PPP2R5D: variants seen among roughly 807,000 people sequenced by gnomAD.
PPP2R5D encodes serine/threonine-protein phosphatase 2A 56 kDa regulatory subunit delta isoform.
Under a neutral mutation model 79.1 loss-of-function variants are expected in PPP2R5D, and 12 were observed. The ratio of observed to expected loss-of-function variants is 0.15; its 90% confidence interval spans 0.10 to 0.25. PPP2R5D has a LOEUF of 0.25. PPP2R5D is among the 10% of genes least tolerant of loss of function. The pLI, the probability that PPP2R5D is intolerant of heterozygous loss-of-function variation, is 1.00. For synonymous variants in PPP2R5D, 277 were observed against 286.6 expected, an observed-to-expected ratio of 0.97 and a Z score of 0.34; for missense variants, 419 against 760.2, an observed-to-expected ratio of 0.55 and a Z score of 5.28.
rs868188607 is a variant in PPP2R5D at position 42,992,208 on chromosome 6, C to T, written c.105+2520C>T. Among the ~76,000 whole-genome samples, 6 of 152,216 alleles carry T rather than the reference C, an allele frequency of 3.9e-5. 1 individual carries two copies. Among genetic ancestry groups the T allele is most frequent in the South Asian group, 2.1e-4 (1 of 4,814 alleles). On this transcript the variant is annotated intron_variant, in intron 2 of 15. Transcript: ENST00000485511. ...CCGAGTAGCTGGGACTACAGGCTCC[C>T]GCCACCACGCCTGGCTAATTTTTTG...
At position 43,006,545 on chromosome 6, in the gene PPP2R5D, C is replaced by T. The variant is rs370244516; in HGVS notation, c.188C>T (p.Thr63Met). The T allele has an allele frequency of 2.5e-5, 40 of 1,613,968 alleles. No individual in the cohort carries two copies. Among genetic ancestry groups the T allele is most frequent in the African/African-American group, 1.5e-4 (11 of 74,888 alleles). Reference sequence around the variant, plus strand: ...TCCAACAAGCGTCCCAGCAATAGCACGCCGCCCCCCACGCAGCTCAGCAAA... The same window carrying T: ...TCCAACAAGCGTCCCAGCAATAGCATGCCGCCCCCCACGCAGCTCAGCAAA... ...PSSNKRPSNS[T>M]PPPTQLSKIK... is the part of the protein sequence containing the mutation. Residue 63 changes from threonine (T) to methionine (M), a missense_variant, in exon 3 of 16, where the codon ACG becomes ATG. Around this residue, in one of 5 missense-constraint regions of PPP2R5D, gnomAD observed 110 missense variants for 147.6 expected, o/e 0.75. Coordinates refer to ENST00000485511, the MANE Select transcript of PPP2R5D (RefSeq NM_006245.4). This position sits in a 1 kb window ranked among gnomAD's most constrained non-coding sequence, Gnocchi z 4.7.
At chr6:42,993,489 C>CA (rs1771420635) in intron 2 of PPP2R5D, among the ~76,000 whole-genome samples, 1 of 151,984 alleles carries the variant, frequency 6.6e-6, no homozygotes, top group Non-Finnish European at 1.5e-5. Context: ...AAAAAACAAA[C>CA]AAAAAAAGAA....
In PPP2R5D at chr6:43,008,800, C is replaced by CAT. The variant is rs2150280796; in HGVS notation, c.1080+55_1080+56insTA. The CAT allele has an allele frequency of 6.4e-7, 1 of 1,562,382 alleles. No homozygotes were observed. The highest frequency in any genetic ancestry group is 1.7e-5 in the Admixed American group (1 of 58,766). On this transcript the variant is annotated intron_variant, in intron 10 of 15. Coordinates refer to ENST00000485511, the MANE Select transcript of PPP2R5D (RefSeq NM_006245.4). The surrounding 1 kb of genome is among the most constrained non-coding windows in gnomAD (Gnocchi z 4.2). ...ACCTCTTACTGTCAGCATCACTTGC[C>CAT]AGTCTGTACCTACTGGGGGTGCCAT...
rs1273076632 is a variant in PPP2R5D, at chr6:43,012,022, T to A, written c.*736T>A. 1 of 204,700 alleles carries A rather than the reference T, an allele frequency of 4.9e-6. No individual in the cohort carries two copies. Among genetic ancestry groups the A allele is most frequent in the Non-Finnish European group, 8.7e-6 (1 of 115,228 alleles). The allele number at this position is 204,700 out of a possible 1,614,324, so 12.7% of individuals were successfully genotyped here. ...GACATGGAAGGGACCACCCTGGGGC[T>A]GACTGCTTTTCTGTGCTGTTGGTTC... On this transcript the variant is annotated 3_prime_UTR_variant, in exon 16 of 16. Transcript: ENST00000485511.
At chr6:42,994,320 G>A (rs1771479131) in intron 2 of PPP2R5D, among the ~76,000 whole-genome samples, 1 of 152,134 alleles carries the variant, frequency 6.6e-6, no homozygotes, top group Non-Finnish European at 1.5e-5. Flanking sequence ...CTTTTATTCA[G>A]CCAGTAAGGC....
Position 43,008,488 on chromosome 6 carries a change from C to T in PPP2R5D, c.1026+13C>T, listed in dbSNP as rs768219023. 9.4e-6 allele frequency: 15 copies of T among 1,593,948 alleles called. No individual in the cohort carries two copies. The East Asian group carries it at 3.1e-4, about 33-fold the overall frequency. Reference sequence around the variant, plus strand: ...CTACCACCCTCAGGTGAGCTGCCTTCCTCCTTATAATGTCCAACTCAGGCA... The same window carrying T: ...CTACCACCCTCAGGTGAGCTGCCTTTCTCCTTATAATGTCCAACTCAGGCA... On this transcript the variant is annotated intron_variant, in intron 9 of 15. Transcript: ENST00000485511. This position sits in a 1 kb window ranked among gnomAD's most constrained non-coding sequence, Gnocchi z 4.2.
At chr6:42,992,019 G>A (rs1209620424) in intron 2 of PPP2R5D, among the ~76,000 whole-genome samples, 1 of 152,180 alleles carries the variant, frequency 6.6e-6, no homozygotes. Context: ...GAGCTAGGAT[G>A]TGAGGCTGTG....
rs146169282 is a variant in PPP2R5D, at chr6:42,987,243, A to G, written c.28-2368A>G. On this transcript the variant is annotated intron_variant, in intron 1 of 15. Coordinates refer to ENST00000485511, the MANE Select transcript of PPP2R5D (RefSeq NM_006245.4). ...CCCTTTGAGATAATAACTAAGTTTC[A>G]TTTTGGTTTGACAACTCCTTTTCAC... 8.6e-3 allele frequency among the ~76,000 whole-genome samples: 1,313 copies of G among 152,232 alleles called. 8 individuals are homozygous for G. Among genetic ancestry groups the G allele is most frequent in the Middle Eastern group, 0.031 (9 of 294 alleles).
chr6:43,006,363 C>G lies in PPP2R5D; in HGVS notation c.106-100C>G, dbSNP rs1370526684. 1.3e-6 allele frequency: 2 copies of G among 1,504,126 alleles called. No individual in the cohort carries two copies. The highest frequency in any genetic ancestry group is 4.9e-5 in the East Asian group (2 of 40,830). The allele number at this position is 1,504,126 out of a possible 1,614,324, so 93.2% of individuals were successfully genotyped here. Reference sequence around the variant, plus strand: ...CGGGGCAGGAGACAGCTGCTCACTGCCCAGGCCTGTGCAGGCATAAACAGA... The same window carrying G: ...CGGGGCAGGAGACAGCTGCTCACTGGCCAGGCCTGTGCAGGCATAAACAGA... On this transcript the variant is annotated intron_variant, in intron 2 of 15. Coordinates refer to ENST00000485511, the MANE Select transcript of PPP2R5D (RefSeq NM_006245.4). The surrounding 1 kb of genome is among the most constrained non-coding windows in gnomAD (Gnocchi z 4.7).
At chr6:43,002,190 GT>G (rs1393414731) in intron 2 of PPP2R5D, among the ~76,000 whole-genome samples, 2 of 149,940 alleles carry the variant, frequency 1.3e-5, no homozygotes, top group Non-Finnish European at 3.0e-5. Context: ...TTGATTCGGA[GT>G]CTCGCCCTAT....
rs1178818788 is a variant in PPP2R5D at position 43,008,709 on chromosome 6, T to C, written c.1043T>C (p.Val348Ala). The change falls in exon 10 of 16, where the codon GTA (valine) becomes GCA (alanine). Residue 348 changes from valine to alanine, a missense_variant. Physicochemically the swap from Val to Ala is moderately conservative, Grantham distance 64 (BLOSUM62 0). This residue lies in a region of PPP2R5D where 196 missense variants were observed against 424.5 expected (regional missense o/e 0.46). Transcript: ENST00000485511. This position sits in a 1 kb window ranked among gnomAD's most constrained non-coding sequence, Gnocchi z 4.2. The part of the protein sequence containing the change: ...VYHPQLAYCV[V>A]QFLEKESSLT... ...CCTTTGCAGCTGGCATACTGTGTGGTACAATTCCTGGAGAAGGAGAGCAGT... is the reference window on the plus strand; with the variant it reads ...CCTTTGCAGCTGGCATACTGTGTGGCACAATTCCTGGAGAAGGAGAGCAGT... 1 of 1,614,008 alleles carries C rather than the reference T, an allele frequency of 6.2e-7. No homozygotes were observed.
At chr6:42,999,502 A>G (rs1023169805) in intron 2 of PPP2R5D, among the ~76,000 whole-genome samples, 2 of 152,104 alleles carry the variant, frequency 1.3e-5, no homozygotes, top group Non-Finnish European at 2.9e-5. Context: ...CAATAACACA[A>G]TGCTAGTGTA....
intron 2 of PPP2R5D, among the ~76,000 whole-genome samples, 175 bp downstream of exon 2, chr6:42,989,863 A>G (rs1034605226): frequency 6.6e-5 from 10 of 152,216 alleles, no homozygotes; most frequent in Non-Finnish European, 1.3e-4. Context: ...TTTGGTTGGT[A>G]TAGACCAAAT....
chr6:42,991,683 T>G (rs915491083), intron 2 of PPP2R5D, among the ~76,000 whole-genome samples: 1 of 152,202 alleles, frequency 6.6e-6, no homozygotes, highest in Admixed American at 6.5e-5. Flanking sequence ...AACGAGTGAA[T>G]GAACAAATGC....
intron 1 of PPP2R5D, among the ~76,000 whole-genome samples, chr6:42,986,017 T>C (rs1581791329): frequency 2.0e-5 from 3 of 152,274 alleles, no homozygotes; most frequent in Admixed American, 2.0e-4. Flanking sequence ...CCTCAGGTGA[T>C]CTGACCCCCT....
Position 43,007,145 on chromosome 6 carries a change from GA to G in PPP2R5D, c.522+36del. ...GGGAAAGGACACAGGGGGGACTGGT[GA>G]GGGGCTCTGGAGAAGCCCAGGTGGA... On this transcript the variant is annotated intron_variant, in intron 4 of 15. Transcript: ENST00000485511. The surrounding 1 kb of genome is among the most constrained non-coding windows in gnomAD (Gnocchi z 4.5). The G allele has an allele frequency of 6.2e-7, 1 of 1,614,144 alleles. No individual in the cohort carries two copies. Among genetic ancestry groups the G allele is most frequent in the South Asian group, 1.1e-5 (1 of 91,082 alleles).
At chr6:42,993,108 C>T (rs1443314165) in intron 2 of PPP2R5D, among the ~76,000 whole-genome samples, 1 of 151,930 alleles carries the variant, frequency 6.6e-6, no homozygotes, top group African/African-American at 2.4e-5. Flanking sequence ...ACCAGCCTGA[C>T]CAACATAGTG....
rs1261439088 is a variant in PPP2R5D, at chr6:43,007,179, C to G, written c.523-17C>G. 2 of 1,614,074 alleles carry G rather than the reference C, an allele frequency of 1.2e-6. No individual in the cohort carries two copies. The highest frequency in any genetic ancestry group is 1.1e-5 in the South Asian group (1 of 91,088). ...TGGAGAAGCCCAGGTGGAGCTCTAA[C>G]TGGCCCTACCCCTCAGTTTTCAGTG... On this transcript the variant is annotated splice_polypyrimidine_tract_variant and intron_variant, in intron 4 of 15. Transcript: ENST00000485511. The surrounding 1 kb of genome is among the most constrained non-coding windows in gnomAD (Gnocchi z 4.5).
At chr6:43,001,900 GCTT>G (rs1561846378) in intron 2 of PPP2R5D, among the ~76,000 whole-genome samples, 1 of 147,600 alleles carries the variant, frequency 6.8e-6, no homozygotes, top group South Asian at 2.2e-4. Context: ...AAAAAAAAAT[GCTT>G]CTTTAGTGCG....
Sources: gnomAD v4.1 joint callset for allele counts (sites outside exome capture counted in the v4.1 genomes callset) on GRCh38, gnomAD v4.1.1 for gene constraint, gnomAD v4.1.1 regional missense constraint, Gnocchi (gnomAD v3.1) non-coding constraint, MANE v1.5 for transcripts, NCBI Gene and HGNC (gene_info 2026-07-23, HGNC 2026-07-21) for gene names.